PPARGC1B: variants seen among roughly 807,000 people sequenced by gnomAD.
The protein encoded by PPARGC1B is PPARG coactivator 1 beta.
In PPARGC1B, 34 loss-of-function variants were observed where a neutral mutation model predicts 101.6. The observed-to-expected ratio is 0.33, with a 90% confidence interval of 0.25 to 0.45. PPARGC1B has a LOEUF of 0.45. PPARGC1B is among the 20% of genes least tolerant of loss of function. The probability of loss-of-function intolerance (pLI) is 1.00; values close to 1 mark genes in which losing one functional copy is unlikely to be tolerated. For synonymous variants in PPARGC1B, 548 were observed against 539.3 expected, an observed-to-expected ratio of 1.02 and a Z score of -0.22; for missense variants, 1,234 against 1,317.6, an observed-to-expected ratio of 0.94 and a Z score of 0.98.
chr5:149,830,150 A>G (rs923373454), intron 3 of PPARGC1B, among the ~76,000 whole-genome samples: 3 of 149,794 alleles, frequency 2.0e-5, no homozygotes, highest in African/African-American at 7.3e-5. Context: ...ACCGAAAAGT[A>G]GTTAGTGGAG....
intron 1 of PPARGC1B, among the ~76,000 whole-genome samples, chr5:149,793,561 G>A (rs528327224): frequency 1.3e-5 from 2 of 152,276 alleles, no homozygotes; most frequent in African/African-American, 4.8e-5. Flanking sequence ...AGAACCCTGA[G>A]GCAGCCAAAA....
chr5:149,797,366 CA>C (rs1399673354), intron 1 of PPARGC1B, among the ~76,000 whole-genome samples: 6 of 151,514 alleles, frequency 4.0e-5, no homozygotes, highest in East Asian at 1.9e-4. Flanking sequence ...ATGTAGGGGA[CA>C]AAAAAAAGTA....
At position 149,835,350 on chromosome 5, in the gene PPARGC1B, C is replaced by T; in HGVS notation, c.1792C>T (p.Leu598Phe). Reference protein sequence around the residue: ...KSFEQTLTVELCGTAGLTPPT... With the variant: ...KSFEQTLTVEFCGTAGLTPPT... ...CTTTGAGCAGACCTTGACAGTGGAG[C>T]TCTGTGGCACAGCAGGTGAGCCAGG... Residue 598 changes from leucine to phenylalanine, a missense_variant, in exon 7 of 12, where the codon CTC (leucine) becomes TTC (phenylalanine). Physicochemically the swap from Leu to Phe is conservative, Grantham distance 22. Coordinates refer to ENST00000309241, the MANE Select transcript of PPARGC1B (RefSeq NM_133263.4). 6.2e-7 allele frequency: 1 copy of T among 1,614,178 alleles called. No individual in the cohort carries two copies.
intron 1 of PPARGC1B, among the ~76,000 whole-genome samples, chr5:149,786,227 G>A (rs1418653281): frequency 6.6e-6 from 1 of 152,056 alleles, no homozygotes; most frequent in East Asian, 1.9e-4. Context: ...TGAGTAGCTG[G>A]GATTACAGGT....
intron 1 of PPARGC1B, among the ~76,000 whole-genome samples, chr5:149,748,364 A>C (rs1274037214): frequency 6.6e-6 from 1 of 152,042 alleles, no homozygotes; most frequent in Non-Finnish European, 1.5e-5. Context: ...AGTTGAGAAG[A>C]TGAGAAGGTA....
rs1754406068 is a variant in PPARGC1B, at chr5:149,730,403, T to C, written c.61T>C (p.Tyr21His). Residue 21 changes from tyrosine to histidine, a missense_variant, in exon 1 of 12, where the codon TAT becomes CAT. This residue lies in a region of PPARGC1B where 734 missense variants were observed against 768.4 expected (regional missense o/e 0.96). Transcript: ENST00000309241. The surrounding 1 kb of genome is among the most constrained non-coding windows in gnomAD (Gnocchi z 4.0). ...DEELSSFFLN[Y>H]LADTQGGGSG... ...AGAGCTCTCCTCCTTCTTCCTCAAC[T>C]ATCTCGCTGACACGCAGGTACGGCC... The C allele has an allele frequency of 1.3e-6, 2 of 1,566,990 alleles. No individual in the cohort carries two copies. Among genetic ancestry groups the C allele is most frequent in the Non-Finnish European group, 8.6e-7 (1 of 1,158,944 alleles).
intron 1 of PPARGC1B, among the ~76,000 whole-genome samples, chr5:149,749,036 G>T (rs1470632925): frequency 2.0e-5 from 1 of 50,648 alleles, no homozygotes; most frequent in Non-Finnish European, 3.7e-5. Flanking sequence ...GGGACATGCA[G>T]GGATTTGTGT....
At chr5:149,735,694 G>T (rs936917490) in intron 1 of PPARGC1B, among the ~76,000 whole-genome samples, 5 of 152,332 alleles carry the variant, frequency 3.3e-5, no homozygotes, top group African/African-American at 1.2e-4. Context: ...CTTTGAGTAA[G>T]TAGAAGAGCC....
At position 149,854,528 on chromosome 5, in the gene PPARGC1B, G is replaced by T. The variant is rs1759891265; in HGVS notation, c.*6970G>T. The T allele has an allele frequency of 6.6e-6, 1 of 152,122 alleles. No homozygotes were observed. The allele number at this position is 152,122 out of a possible 1,614,324, so 9.4% of individuals were successfully genotyped here. ...TAATTTTTTAAAGGACACTGCTAAT[G>T]ATTGAGAATCAAGTTTTTAGTTTTG... On this transcript the variant is annotated 3_prime_UTR_variant, in exon 12 of 12. Coordinates refer to ENST00000309241, the MANE Select transcript of PPARGC1B (RefSeq NM_133263.4).
intron 1 of PPARGC1B, among the ~76,000 whole-genome samples, chr5:149,770,705 T>A (rs1234103658): frequency 6.6e-6 from 1 of 151,548 alleles, no homozygotes; most frequent in African/African-American, 2.4e-5. Flanking sequence ...TGGTGGCACA[T>A]GCCTGTAGTC....
chr5:149,791,365 C>G (rs1231974076), intron 1 of PPARGC1B, among the ~76,000 whole-genome samples: 1 of 151,874 alleles, frequency 6.6e-6, no homozygotes, highest in Non-Finnish European at 1.5e-5. Flanking sequence ...TGTAAGAAAC[C>G]TCACTCCCAA....
At chr5:149,812,160 T>G (rs1757889058) in intron 1 of PPARGC1B, among the ~76,000 whole-genome samples, 1 of 152,212 alleles carries the variant, frequency 6.6e-6, no homozygotes, top group South Asian at 2.1e-4. Context: ...GGTTGAGATC[T>G]TTTGCCTTAA....
chr5:149,852,469 T>C lies in PPARGC1B; in HGVS notation c.*4911T>C, dbSNP rs1049141616. On this transcript the variant is annotated 3_prime_UTR_variant, in exon 12 of 12. Coordinates refer to ENST00000309241, the MANE Select transcript of PPARGC1B (RefSeq NM_133263.4). ...GTTCTCTGCAAGAACCAACCAGCAG[T>C]AGGTTCAATCCCACTGTGTCCTGGC... 8.5e-5 allele frequency: 13 copies of C among 152,166 alleles called. No individual in the cohort carries two copies. The highest frequency in any genetic ancestry group is 1.9e-4 in the African/African-American group (8 of 41,444). 9.4% of individuals were successfully genotyped at this position (152,166 alleles called of 1,614,324 possible).
At chr5:149,749,158 A>G (rs1379059981) in intron 1 of PPARGC1B, among the ~76,000 whole-genome samples, 5 of 152,216 alleles carry the variant, frequency 3.3e-5, no homozygotes, top group Non-Finnish European at 5.9e-5. Flanking sequence ...ACCACTAGGT[A>G]CAGCCCTCAA....
rs1391373037 is a variant in PPARGC1B, at chr5:149,837,812, A to G, written c.2618+739A>G. On this transcript the variant is annotated intron_variant, in intron 8 of 11. Coordinates refer to ENST00000309241, the MANE Select transcript of PPARGC1B (RefSeq NM_133263.4). This position sits in a 1 kb window ranked among gnomAD's most constrained non-coding sequence, Gnocchi z 4.2. ...TTCTCCCTGGGGAAGGCTTGAGGAC[A>G]GTCAGTGTCATCATCCCCAGCCCTG... 6.6e-6 allele frequency among the ~76,000 whole-genome samples: 1 copy of G among 152,228 alleles called. No individual in the cohort carries two copies. The highest frequency in any genetic ancestry group is 1.5e-5 in the Non-Finnish European group (1 of 68,042).
In PPARGC1B at chr5:149,847,615, T is replaced by G. The variant is rs1361020059; in HGVS notation, c.*57T>G. The G allele has an allele frequency of 9.8e-6, 13 of 1,330,246 alleles. No homozygotes were observed. In the East Asian group the frequency reaches 2.3e-4, roughly 24 times the overall value. The allele number at this position is 1,330,246 out of a possible 1,614,324, so 82.4% of individuals were successfully genotyped here. ...TACCTCAGACAAGGCCCTTCCAATA[T>G]GTTTACGTTTTCAAAGAAATCAAGT... On this transcript the variant is annotated 3_prime_UTR_variant, in exon 12 of 12. Transcript: ENST00000309241.
intron 1 of PPARGC1B, chr5:149,772,075 G>A: frequency 1.3e-6 from 2 of 1,566,276 alleles, no homozygotes; most frequent in Non-Finnish European, 1.7e-6. Context: ...GACCTCTGAG[G>A]GGCCTGCTCT....
intron 1 of PPARGC1B, among the ~76,000 whole-genome samples, chr5:149,819,540 T>C (rs918439064): frequency 2.0e-5 from 3 of 152,184 alleles, no homozygotes; most frequent in African/African-American, 7.2e-5. Flanking sequence ...TTTCCATCTG[T>C]CACCCAGGCT....
intron 1 of PPARGC1B, among the ~76,000 whole-genome samples, chr5:149,787,429 T>C (rs1343461361): frequency 6.6e-6 from 1 of 152,212 alleles, no homozygotes; most frequent in Admixed American, 6.5e-5. Context: ...ACCTCTCCAC[T>C]TTTATATTAA....
Sources: gnomAD v4.1 joint callset for allele counts (sites outside exome capture counted in the v4.1 genomes callset) on GRCh38, gnomAD v4.1.1 for gene constraint, gnomAD v4.1.1 regional missense constraint, Gnocchi (gnomAD v3.1) non-coding constraint, MANE v1.5 for transcripts, NCBI Gene and HGNC (gene_info 2026-07-23, HGNC 2026-07-21) for gene names.